The following TRIQK variants were observed in gnomAD, a reference collection of about 807,000 sequenced individuals.
TRIQK encodes triple QxxK/R motif containing, also known as triple QxxK/R motif-containing protein.
Under a neutral mutation model 10.8 loss-of-function variants are expected in TRIQK, and 10 were observed. That is an observed-to-expected ratio of 0.92 (90% CI 0.57 to 1.57). The LOEUF is 1.57. Among genes scored for constraint, TRIQK ranks in the 40% most tolerant of loss-of-function variants. The pLI, the probability that TRIQK is intolerant of heterozygous loss-of-function variation, is 0.00. For missense variants in TRIQK, 107 were observed against 97.7 expected (o/e 1.09, Z -0.40); for synonymous variants, 33 against 33.7 (o/e 0.98, Z 0.07).
intron 2 of TRIQK, among the ~76,000 whole-genome samples, chr8:92,918,973 G>C (rs1384097040): frequency 6.6e-6 from 1 of 151,714 alleles, no homozygotes; most frequent in Non-Finnish European, 1.5e-5. Context: ...ATTTATTAAA[G>C]AGACAATCGT....
intron 3 of TRIQK, among the ~76,000 whole-genome samples, chr8:92,893,494 T>C (rs1339037839): frequency 6.6e-6 from 1 of 152,010 alleles, no homozygotes. Context: ...GAGACAATTG[T>C]CATAATATGT....
intron 1 of TRIQK, among the ~76,000 whole-genome samples, chr8:92,985,529 A>T (rs1305267246): frequency 1.3e-5 from 2 of 152,100 alleles, no homozygotes; most frequent in Non-Finnish European, 2.9e-5. Context: ...ATCAGAGGAG[A>T]TTTAGCTTCA....
At chr8:93,010,660 T>A (rs1168085535) in intron 1 of TRIQK, among the ~76,000 whole-genome samples, 1 of 152,116 alleles carries the variant, frequency 6.6e-6, no homozygotes, top group Non-Finnish European at 1.5e-5. Flanking sequence ...GTATAGAATA[T>A]AAATGCCACA....
chr8:92,985,068 T>C (rs1813019199), intron 1 of TRIQK, among the ~76,000 whole-genome samples: 1 of 152,218 alleles, frequency 6.6e-6, no homozygotes, highest in Non-Finnish European at 1.5e-5. Flanking sequence ...TTTCCTAGAC[T>C]GAAATCTGAT....
intron 1 of TRIQK, among the ~76,000 whole-genome samples, chr8:93,001,622 C>T (rs59794799): frequency 6.6e-6 from 1 of 151,924 alleles, no homozygotes; most frequent in African/African-American, 2.4e-5. Flanking sequence ...AACATCAGAG[C>T]TCCTGAATAT....
At chr8:92,916,731 C>A (rs1809871371) in intron 3 of TRIQK, among the ~76,000 whole-genome samples, 198 bp downstream of exon 3, 1 of 151,820 alleles carries the variant, frequency 6.6e-6, no homozygotes, top group Non-Finnish European at 1.5e-5. Context: ...ACTGAAAAAT[C>A]GTAAGTACAT....
At chr8:92,992,665 G>C (rs1404080359) in intron 1 of TRIQK, among the ~76,000 whole-genome samples, 1 of 152,298 alleles carries the variant, frequency 6.6e-6, no homozygotes, top group Middle Eastern at 3.4e-3. Flanking sequence ...GCTGAGGCAG[G>C]ATCAAGAGAA....
intron 1 of TRIQK, among the ~76,000 whole-genome samples, chr8:92,964,016 A>G (rs1400314185): frequency 6.6e-6 from 1 of 152,260 alleles, no homozygotes; most frequent in African/African-American, 2.4e-5. Context: ...GGGATAAAAC[A>G]TAGATTACAT....
intron 2 of TRIQK, among the ~76,000 whole-genome samples, chr8:92,943,031 C>A (rs1811348892): frequency 6.7e-6 from 1 of 150,082 alleles, no homozygotes; most frequent in Non-Finnish European, 1.5e-5. Context: ...TAAAAGCAAA[C>A]TATCTAAAAA....
chr8:92,896,898 C>A (rs1808633138), intron 3 of TRIQK, among the ~76,000 whole-genome samples: 1 of 151,790 alleles, frequency 6.6e-6, no homozygotes, highest in Non-Finnish European at 1.5e-5. Context: ...CTCACTGCAA[C>A]CTCTGCCTCC....
intron 1 of TRIQK, among the ~76,000 whole-genome samples, chr8:93,012,277 T>G (rs1315058762): frequency 6.6e-6 from 1 of 152,176 alleles, no homozygotes; most frequent in African/African-American, 2.4e-5. Context: ...ATTCTGTCTT[T>G]TCTTTGTGCT....
chr8:92,894,725 T>A (rs905500546), intron 3 of TRIQK, among the ~76,000 whole-genome samples: 9 of 152,156 alleles, frequency 5.9e-5, no homozygotes, highest in Admixed American at 5.9e-4. Context: ...ATGTGTTTCA[T>A]AATTTTAAAT....
intron 1 of TRIQK, among the ~76,000 whole-genome samples, chr8:92,986,761 G>A (rs1163322561): frequency 2.6e-5 from 4 of 152,108 alleles, no homozygotes; most frequent in Non-Finnish European, 4.4e-5. Context: ...AGGCAAAATC[G>A]ATGTTCTGCA....
In TRIQK at chr8:92,885,528, T is replaced by C. The variant is rs760319512; in HGVS notation, c.*1094A>G. The C allele has an allele frequency of 2.0e-5, 3 of 152,052 alleles. No homozygotes were observed. The highest frequency in any genetic ancestry group is 4.4e-5 in the Non-Finnish European group (3 of 68,060). The allele number at this position is 152,052 out of a possible 1,614,324, so 9.4% of individuals were successfully genotyped here. A position where few individuals can be genotyped will look rare whatever the true frequency, so the allele number is the denominator to read the frequency against. ...TATGTGTTCAAGCATTGTAAAAACATATTTAAAAATTGAATTACCAGTAAA... is the reference window on the plus strand; with the variant it reads ...TATGTGTTCAAGCATTGTAAAAACACATTTAAAAATTGAATTACCAGTAAA... On this transcript the variant is annotated 3_prime_UTR_variant, in exon 5 of 5. Transcript: ENST00000521988.
Position 92,994,445 on chromosome 8 carries a change from A to AT in TRIQK, c.-181+23163dup, listed in dbSNP as rs556432637. On this transcript the variant is annotated intron_variant, in intron 1 of 4. Transcript: ENST00000520686. The stretch of plus-strand genomic sequence containing the variant: ...TGTTTTATTTTTTAAAAATCACATA[A>AT]TTTTTTTTCCTCCAAGGCTGACAAC... Among the ~76,000 whole-genome samples the AT allele has an allele frequency of 4.6e-5, 7 of 151,546 alleles. No homozygotes were observed. In the South Asian group the frequency reaches 1.0e-3, roughly 23 times the overall value.
chr8:92,929,183 T>C (rs929875805), intron 2 of TRIQK, among the ~76,000 whole-genome samples: 1 of 152,158 alleles, frequency 6.6e-6, no homozygotes, highest in African/African-American at 2.4e-5. Flanking sequence ...AAGCAGCATT[T>C]TGAATAAGCA....
intron 1 of TRIQK, among the ~76,000 whole-genome samples, chr8:93,012,048 C>T (rs371017979): frequency 5.3e-5 from 8 of 151,904 alleles, no homozygotes; most frequent in Admixed American, 2.6e-4. Flanking sequence ...GAAGCAGATA[C>T]GTACTCAGAA....
intron 1 of TRIQK, among the ~76,000 whole-genome samples, chr8:93,008,260 G>A (rs1013269584): frequency 7.2e-5 from 11 of 152,156 alleles, no homozygotes; most frequent in African/African-American, 1.9e-4. Context: ...TAATAAACCT[G>A]CACATACTGC....
intron 1 of TRIQK, among the ~76,000 whole-genome samples, chr8:93,008,618 T>G (rs1813297664): frequency 6.6e-6 from 1 of 152,142 alleles, no homozygotes; most frequent in Admixed American, 6.5e-5. Flanking sequence ...AACAGCACAG[T>G]ACTGGCATAA....
Sources: allele counts gnomAD v4.1 joint callset (sites outside exome capture counted in the v4.1 genomes callset), GRCh38; gene constraint gnomAD v4.1.1; transcripts MANE v1.5; gene names NCBI Gene and HGNC (gene_info 2026-07-23, HGNC 2026-07-21).